Variants in VTCN1 observed in about 807,000 individuals in gnomAD.
The protein encoded by VTCN1 is V-set domain-containing T-cell activation inhibitor 1.
Under a neutral mutation model 26.5 loss-of-function variants are expected in VTCN1, and 26 were observed. The ratio of observed to expected loss-of-function variants is 0.98; its 90% CI spans 0.72 to 1.36. The LOEUF (loss-of-function observed/expected upper bound fraction) is 1.36, where lower values mean the gene tolerates loss of function less well. VTCN1 is among the 40% of genes most tolerant of loss of function. The pLI, the probability that VTCN1 is intolerant of heterozygous loss-of-function variation, is 0.00. For synonymous variants in VTCN1, 116 were observed against 130.7 expected (o/e 0.89, Z 0.77); for missense variants, 298 against 337.7 (o/e 0.88, Z 0.92).
At chr1:117,191,307 T>A (rs990346319) in intron 1 of VTCN1, among the ~76,000 whole-genome samples, 2 of 152,098 alleles carry the variant, frequency 1.3e-5, no homozygotes, top group African/African-American at 4.8e-5. Flanking sequence ...AATATATCCA[T>A]TATGGGAGTC....
At chr1:117,189,867 G>A (rs1648156141) in intron 1 of VTCN1, among the ~76,000 whole-genome samples, 1 of 151,100 alleles carries the variant, frequency 6.6e-6, no homozygotes, top group African/African-American at 2.4e-5. Flanking sequence ...GGGAGCCTTG[G>A]AATCCACGTA....
rs1018991067 is a variant in VTCN1 at position 117,183,750 on chromosome 1, A to T, written c.33-13579T>A. 5.9e-5 allele frequency among the ~76,000 whole-genome samples: 9 copies of T among 152,268 alleles called. No individual in the cohort carries two copies. Among genetic ancestry groups the T allele is most frequent in the African/African-American group, 2.4e-5 (1 of 41,466 alleles). On this transcript the variant is annotated intron_variant, in intron 1 of 5. Coordinates refer to ENST00000369458, the MANE Select transcript of VTCN1 (RefSeq NM_024626.4). The surrounding 1 kb of genome is among the most constrained non-coding windows in gnomAD (Gnocchi z 4.1). ...ATAGTGCATACTAAATAGCCTTTAA[A>T]AAAATCCTTGATAAAAATACTTGAA...
intron 2 of VTCN1, among the ~76,000 whole-genome samples, chr1:117,165,623 C>T (rs557772801): frequency 1.3e-4 from 20 of 152,278 alleles, no homozygotes; most frequent in African/African-American, 3.4e-4. Context: ...TGTTTCCCCT[C>T]GCCGTCCATC....
chr1:117,203,842 G>T, intron 1 of VTCN1: 1 of 946,116 alleles, frequency 1.1e-6, no homozygotes, highest in Non-Finnish European at 1.3e-6. Flanking sequence ...ACCAGGCCCT[G>T]CCCCCAGAAT....
chr1:117,207,870 C>T (rs1186169830), intron 1 of VTCN1, among the ~76,000 whole-genome samples: 2 of 152,198 alleles, frequency 1.3e-5, no homozygotes, highest in South Asian at 4.1e-4. Context: ...AATCCATTTT[C>T]CTCCTGTAGT....
At chr1:117,181,069 A>T (rs1428480576) in intron 1 of VTCN1, among the ~76,000 whole-genome samples, 1 of 152,218 alleles carries the variant, frequency 6.6e-6, no homozygotes, top group African/African-American at 2.4e-5. Flanking sequence ...GGGTCCAAAG[A>T]AACAAACTCT....
At chr1:117,210,782 G>T (rs779779336) in intron 1 of VTCN1, 42 bp downstream of exon 1, 1 of 1,608,254 alleles carries the variant, frequency 6.2e-7, no homozygotes, top group Admixed American at 1.7e-5. Context: ...CCTCACTGCT[G>T]TTCCCTTCAC....
At chr1:117,152,170 AGTGT>A (rs1229484098) in intron 4 of VTCN1, among the ~76,000 whole-genome samples, 1 of 152,132 alleles carries the variant, frequency 6.6e-6, no homozygotes, top group Non-Finnish European at 1.5e-5. Context: ...TGTGTGTGTG[AGTGT>A]AATTTATTTT....
At position 117,170,990 on chromosome 1, in the gene VTCN1, C is replaced by T. The variant is rs192073476; in HGVS notation, c.33-819G>A. 3.6e-3 allele frequency among the ~76,000 whole-genome samples: 552 copies of T among 152,102 alleles called. 1 individual carries two copies. Among genetic ancestry groups the T allele is most frequent in the Non-Finnish European group, 5.6e-3 (379 of 67,994 alleles). On this transcript the variant is annotated intron_variant, in intron 1 of 5. Transcript: ENST00000369458. ...CTGCATGCATTATTTGTCCTAATGC[C>T]CTCCCTCCCCTTGCCCCCAGCCCCC...
intron 1 of VTCN1, among the ~76,000 whole-genome samples, chr1:117,177,188 G>A (rs1647402200): frequency 6.6e-6 from 1 of 152,182 alleles, no homozygotes; most frequent in Admixed American, 6.5e-5. Flanking sequence ...CTATAAAGGG[G>A]AAAAGGAATT....
intron 2 of VTCN1, among the ~76,000 whole-genome samples, chr1:117,163,527 A>T (rs529978624): frequency 6.6e-6 from 1 of 152,354 alleles, no homozygotes; most frequent in East Asian, 1.9e-4. Flanking sequence ...AAGGAAAACA[A>T]CATTTCACTA....
At chr1:117,203,734 A>G (rs1027838900) in intron 1 of VTCN1, 9 of 985,338 alleles carry the variant, frequency 9.1e-6, no homozygotes, top group Non-Finnish European at 1.1e-5. Flanking sequence ...ATTTATATCT[A>G]TCTGGATTAA....
Position 117,175,771 on chromosome 1 carries a change from C to CT in VTCN1, c.33-5601dup, listed in dbSNP as rs1255721340. Among the ~76,000 whole-genome samples the CT allele has an allele frequency of 0.028, 2,479 of 87,278 alleles. 108 individuals carry two copies. The highest frequency in any genetic ancestry group is 0.085 in the African/African-American group (2,347 of 27,644). 57.3% of individuals were successfully genotyped at this position (87,278 alleles called of 152,430 possible). A position where few individuals can be genotyped will look rare whatever the true frequency, so the allele number is the denominator to read the frequency against. Reference sequence around the variant, plus strand: ...GAGATACCTATCTCTCTCTCTCTCTCTCTTTTTTTTTTTTTTTGAGATGGA... The same window carrying CT: ...GAGATACCTATCTCTCTCTCTCTCTCTTCTTTTTTTTTTTTTTTGAGATGGA... On this transcript the variant is annotated intron_variant, in intron 1 of 5. Transcript: ENST00000369458. This position sits in a 1 kb window ranked among gnomAD's most constrained non-coding sequence, Gnocchi z 4.2.
intron 2 of VTCN1, among the ~76,000 whole-genome samples, chr1:117,162,802 C>T (rs781131122): frequency 6.6e-6 from 1 of 152,056 alleles, no homozygotes; most frequent in Admixed American, 6.6e-5. Flanking sequence ...ATCAGCGCTC[C>T]GTTGTAGGAG....
At chr1:117,156,525 C>T (rs1392902201) in intron 3 of VTCN1, 49 bp downstream of exon 3, 5 of 1,490,330 alleles carry the variant, frequency 3.4e-6, no homozygotes, top group Non-Finnish European at 4.5e-6. Flanking sequence ...AATCTTTAGC[C>T]TCAAATACTT....
chr1:117,171,983 A>G (rs1476753286), intron 1 of VTCN1, among the ~76,000 whole-genome samples: 1 of 152,158 alleles, frequency 6.6e-6, no homozygotes, highest in Non-Finnish European at 1.5e-5. Flanking sequence ...ACTCAGGCAG[A>G]GCAGAAGGCA....
intron 1 of VTCN1, among the ~76,000 whole-genome samples, chr1:117,204,567 T>C (rs1036922814): frequency 2.6e-5 from 4 of 152,086 alleles, no homozygotes; most frequent in African/African-American, 9.7e-5. Context: ...ATATAGGATC[T>C]TGAAAAAACC....
intron 1 of VTCN1, among the ~76,000 whole-genome samples, chr1:117,174,176 A>G (rs948373517): frequency 8.5e-5 from 13 of 152,250 alleles, no homozygotes; most frequent in East Asian, 1.9e-4. Flanking sequence ...GCTGCAGGAA[A>G]TTTTTAATGC....
chr1:117,160,615 C>G (rs1247752156), intron 2 of VTCN1, among the ~76,000 whole-genome samples: 1 of 152,220 alleles, frequency 6.6e-6, no homozygotes, highest in Non-Finnish European at 1.5e-5. Flanking sequence ...GTCTTTGCAG[C>G]CTTCTCTCCA....
Sources: gnomAD v4.1 joint callset for allele counts (sites outside exome capture counted in the v4.1 genomes callset) on GRCh38, gnomAD v4.1.1 for gene constraint, Gnocchi (gnomAD v3.1) non-coding constraint, MANE v1.5 for transcripts, NCBI Gene and HGNC (gene_info 2026-07-23, HGNC 2026-07-21) for gene names.